Variants in KCNA2 observed in about 807,000 individuals in gnomAD.
The protein encoded by KCNA2 is potassium channel, voltage gated shaker related subfamily A, member 2.
Under a neutral mutation model 33.4 loss-of-function variants are expected in KCNA2, and 11 were observed. That is an observed-to-expected ratio of 0.33 (90% confidence interval 0.21 to 0.55). The LOEUF (loss-of-function observed/expected upper bound fraction) is 0.55. Ranked by LOEUF, KCNA2 falls within the 20% of genes least tolerant of loss-of-function variation. The probability of loss-of-function intolerance (pLI) is 0.93; values close to 1 mark genes in which losing one functional copy is unlikely to be tolerated. For missense variants in KCNA2, 291 were observed against 621.6 expected (o/e 0.47, Z 5.66); for synonymous variants, 222 against 231.3 (o/e 0.96, Z 0.37).
At chr1:110,617,538 G>A (rs567046309) in intron 1 of KCNA2, among the ~76,000 whole-genome samples, 2 of 152,322 alleles carry the variant, frequency 1.3e-5, no homozygotes, top group South Asian at 4.1e-4. Flanking sequence ...TGGAAAGGAT[G>A]GGTCTAAGAG....
chr1:110,594,905 C>T lies in KCNA2; in HGVS notation c.*8378G>A. 1 of 985,456 alleles carries T rather than the reference C, an allele frequency of 1.0e-6. No homozygotes were observed. The highest frequency in any genetic ancestry group is 1.2e-6 in the Non-Finnish European group (1 of 829,952). The allele number at this position is 985,456 out of a possible 1,614,324, so 61.0% of individuals were successfully genotyped here. A position where few individuals can be genotyped will look rare whatever the true frequency, so the allele number is the denominator to read the frequency against. ...GCTAAAAAGGCAGTAATGTTAGCAG[C>T]TGACATGGAAATTGTTTGGTAGCAA... On this transcript the variant is annotated 3_prime_UTR_variant, in exon 3 of 3. Transcript: ENST00000316361.
intron 1 of KCNA2, among the ~76,000 whole-genome samples, chr1:110,616,155 C>T (rs138907559): frequency 6.6e-6 from 1 of 152,214 alleles, no homozygotes; most frequent in African/African-American, 2.4e-5. Context: ...TGAACTCTGG[C>T]CATTAGAATC....
rs1002405614 is a variant in KCNA2 at position 110,595,153 on chromosome 1, C to T, written c.*8130G>A. 10 of 985,270 alleles carry T rather than the reference C, an allele frequency of 1.0e-5. No individual in the cohort carries two copies. In the African/African-American group the frequency reaches 1.6e-4, roughly 16 times the overall value. The allele number at this position is 985,270 out of a possible 1,614,324, so 61.0% of individuals were successfully genotyped here. ...AGCACACAGCCACATCTACACTGCC[C>T]TCAATGATCTAGATGTTGCAGTAGC... On this transcript the variant is annotated 3_prime_UTR_variant, in exon 3 of 3. Transcript: ENST00000316361.
chr1:110,621,828 T>C (rs978796016), intron 1 of KCNA2, among the ~76,000 whole-genome samples: 7 of 152,108 alleles, frequency 4.6e-5, no homozygotes, highest in African/African-American at 1.7e-4. Flanking sequence ...ATTTAAAAAA[T>C]AAATATGTAG....
chr1:110,618,876 C>G (rs143308823), intron 1 of KCNA2, among the ~76,000 whole-genome samples: 103 of 152,338 alleles, frequency 6.8e-4, no homozygotes, highest in African/African-American at 2.5e-3. Flanking sequence ...GCAGGCGAAG[C>G]AAACCTGGCC....
chr1:110,603,988 G>A lies in KCNA2; in HGVS notation c.795C>T (p.Pro265=). ...ACTCTGTCCCCAGGGTGATGAAGTA[G>A]GGGATGATGGCCACAATGTCAATGA... ...MNIIDIVAII[P]YFITLGTELA... is the part of the protein sequence containing the mutation. Residue 265 remains proline (P), a synonymous_variant, in exon 3 of 3, where the codon CCC becomes CCT. Coordinates refer to ENST00000316361, the MANE Select transcript of KCNA2 (RefSeq NM_004974.4). The surrounding 1 kb of genome is among the most constrained non-coding windows in gnomAD (Gnocchi z 5.7). 1.9e-6 allele frequency: 3 copies of A among 1,614,224 alleles called. No homozygotes were observed. The South Asian group carries it at 3.3e-5, about 18-fold the overall frequency.
chr1:110,613,682 T>A (rs990263350), intron 1 of KCNA2, among the ~76,000 whole-genome samples: 17 of 152,178 alleles, frequency 1.1e-4, no homozygotes, highest in African/African-American at 4.1e-4. Context: ...AACCCCTGTA[T>A]CAGAGGATAG....
intron 1 of KCNA2, among the ~76,000 whole-genome samples, chr1:110,623,667 T>A (rs1372623114): frequency 6.6e-6 from 1 of 152,164 alleles, no homozygotes; most frequent in Non-Finnish European, 1.5e-5. Flanking sequence ...AATCCTGGGA[T>A]TACAGGCATG....
Position 110,602,990 on chromosome 1 carries a change from G to T in KCNA2, c.*293C>A. On this transcript the variant is annotated 3_prime_UTR_variant, in exon 3 of 3. Coordinates refer to ENST00000316361, the MANE Select transcript of KCNA2 (RefSeq NM_004974.4). ...TAGGAAGGAATGATGGCACTGATAT[G>T]GTGCACTGTGTATGGGATATGAGGT... is the stretch of plus-strand genomic sequence containing the variant. 1 of 1,199,230 alleles carries T rather than the reference G, an allele frequency of 8.3e-7. No homozygotes were observed. The highest frequency in any genetic ancestry group is 1.0e-6 in the Non-Finnish European group (1 of 966,318). 74.3% of individuals were successfully genotyped at this position (1,199,230 alleles called of 1,614,324 possible).
intron 1 of KCNA2, among the ~76,000 whole-genome samples, chr1:110,615,552 T>C (rs1334464057): frequency 6.6e-6 from 1 of 152,244 alleles, no homozygotes; most frequent in African/African-American, 2.4e-5. Flanking sequence ...AGAAAGATTT[T>C]CTTTGCCACC....
chr1:110,609,260 T>C (rs1570758464), upstream of KCNA2, among the ~76,000 whole-genome samples: 1 of 152,214 alleles, frequency 6.6e-6, no homozygotes, highest in Non-Finnish European at 1.5e-5. Flanking sequence ...TTCCTTTGCC[T>C]TCCTTCTTGA....
In KCNA2 at chr1:110,596,906, C is replaced by T. The variant is rs980416987; in HGVS notation, c.*6377G>A. On this transcript the variant is annotated 3_prime_UTR_variant, in exon 3 of 3. Coordinates refer to ENST00000316361, the MANE Select transcript of KCNA2 (RefSeq NM_004974.4). ...TGCCAGCCTTCCCTGATTGTCCAGT[C>T]TGAACATTTAAGCTCACAGATGTTA... 1.0e-6 allele frequency: 1 copy of T among 985,358 alleles called. No individual in the cohort carries two copies. The highest frequency in any genetic ancestry group is 1.7e-5 in the African/African-American group (1 of 57,244). The allele number at this position is 985,358 out of a possible 1,614,324, so 61.0% of individuals were successfully genotyped here.
chr1:110,620,225 G>A (rs1025356049), intron 1 of KCNA2, among the ~76,000 whole-genome samples: 4 of 152,150 alleles, frequency 2.6e-5, no homozygotes, highest in South Asian at 2.1e-4. Flanking sequence ...TTCCCTCTGT[G>A]TGAACCATGT....
chr1:110,604,715 T>C lies in KCNA2; in HGVS notation c.68A>G (p.Tyr23Cys), dbSNP rs753829876. Residue 23 changes from tyrosine (Y) to cysteine (C), a missense_variant, in exon 3 of 3, where the codon TAT becomes TGT. This residue lies in a region of KCNA2 where 163 missense variants were observed against 273.5 expected (regional missense o/e 0.60). Transcript: ENST00000316361. This position sits in a 1 kb window ranked among gnomAD's most constrained non-coding sequence, Gnocchi z 7.6. ...GCACTCGTGGTCTGCCTCTGGGTCA[T>C]AGGTGTCCTGTGGGTGCCCAGGGAG... ...AALPGHPQDT[Y>C]DPEADHECCE... 13 of 1,614,158 alleles carry C rather than the reference T, an allele frequency of 8.1e-6. No individual in the cohort carries two copies. Among genetic ancestry groups the C allele is most frequent in the East Asian group, 6.7e-5 (3 of 44,890 alleles).
chr1:110,601,792 A>ATGTGTG lies in KCNA2; in HGVS notation c.*1490_*1491insCACACA, dbSNP rs1379102271. ...CCAGAAAATGAATATATATATATAT[A>ATGTGTG]TATGTGTGTGTGTGTGTGTGTGTGT... On this transcript the variant is annotated 3_prime_UTR_variant, in exon 3 of 3. Coordinates refer to ENST00000316361, the MANE Select transcript of KCNA2 (RefSeq NM_004974.4). The ATGTGTG allele has an allele frequency of 5.0e-5, 55 of 1,110,018 alleles. No individual in the cohort carries two copies. The highest frequency in any genetic ancestry group is 7.0e-4 in the Middle Eastern group (2 of 2,838). The allele number at this position is 1,110,018 out of a possible 1,614,324, so 68.8% of individuals were successfully genotyped here.
intron 1 of KCNA2, among the ~76,000 whole-genome samples, chr1:110,628,983 C>G (rs1650474546): frequency 6.6e-6 from 1 of 152,170 alleles, no homozygotes; most frequent in African/African-American, 2.4e-5. Context: ...CTGGTTTTAC[C>G]TCTTTCTTGG....
At chr1:110,625,171 A>G (rs146236215) in intron 1 of KCNA2, among the ~76,000 whole-genome samples, 42 of 152,314 alleles carry the variant, frequency 2.8e-4, no homozygotes, top group African/African-American at 7.7e-4. Flanking sequence ...CTTCCCCTTC[A>G]ATCTTCCCAG....
rs1481865051 is a variant in KCNA2, at chr1:110,601,326, G to A, written c.*1957C>T. ...CAGATCAGTGGAATTTGGTCCCAGG[G>A]AGTCCTACTCCTTGGTGTCCTTGGT... On this transcript the variant is annotated 3_prime_UTR_variant, in exon 3 of 3. Transcript: ENST00000316361. The A allele has an allele frequency of 1.0e-6, 1 of 985,278 alleles. No individual in the cohort carries two copies. The allele number at this position is 985,278 out of a possible 1,614,324, so 61.0% of individuals were successfully genotyped here. A position where few individuals can be genotyped will look rare whatever the true frequency, so the allele number is the denominator to read the frequency against.
rs899037765 is a variant in KCNA2 at position 110,598,701 on chromosome 1, C to T, written c.*4582G>A. On this transcript the variant is annotated 3_prime_UTR_variant, in exon 3 of 3. Transcript: ENST00000316361. ...GGGGCCCCTTTTAAAAGGCTAACCT[C>T]ATGGTGACATGCCAACACTAGCCTC... The T allele has an allele frequency of 1.6e-5, 16 of 985,310 alleles. No homozygotes were observed. Among genetic ancestry groups the T allele is most frequent in the Middle Eastern group, 5.2e-4 (1 of 1,914 alleles). The allele number at this position is 985,310 out of a possible 1,614,324, so 61.0% of individuals were successfully genotyped here. A position where few individuals can be genotyped will look rare whatever the true frequency, so the allele number is the denominator to read the frequency against.
Sources: gnomAD v4.1 joint callset for allele counts (sites outside exome capture counted in the v4.1 genomes callset) on GRCh38, gnomAD v4.1.1 for gene constraint, gnomAD v4.1.1 regional missense constraint, Gnocchi (gnomAD v3.1) non-coding constraint, MANE v1.5 for transcripts, NCBI Gene and HGNC (gene_info 2026-07-23, HGNC 2026-07-21) for gene names.